MKLN1: variants seen among roughly 807,000 people sequenced by gnomAD.
MKLN1 encodes the protein muskelin.
MKLN1 carries 18 observed loss-of-function variants against 99.0 expected under a neutral mutation model. The ratio of observed to expected loss-of-function variants is 0.18; its 90% CI spans 0.13 to 0.27. The LOEUF (loss-of-function observed/expected upper bound fraction) is 0.27. Among genes scored for constraint, MKLN1 ranks in the 10% least tolerant of loss-of-function variants. The pLI, the probability that MKLN1 is intolerant of heterozygous loss-of-function variation, is 1.00. For synonymous variants in MKLN1, 288 were observed against 293.2 expected (o/e 0.98, Z 0.18); for missense variants, 621 against 875.9 (o/e 0.71, Z 3.67).
chr7:131,332,095 AATTT>A (rs1799093739), intron 1 of MKLN1, among the ~76,000 whole-genome samples: 1 of 152,024 alleles, frequency 6.6e-6, no homozygotes, highest in African/African-American at 2.4e-5. Context: ...ATAGAAGGTG[AATTT>A]ATTTCAACTC....
At chr7:131,283,386 T>TC (rs1798086863) in intron 3 of MKLN1, among the ~76,000 whole-genome samples, 1 of 111,088 alleles carries the variant, frequency 9.0e-6, no homozygotes, top group Non-Finnish European at 1.8e-5. Context: ...CCTTCCTTCC[T>TC]TCCTTCCTTC....
chr7:131,202,242 C>T (rs142156221), intron 2 of MKLN1, among the ~76,000 whole-genome samples: 307 of 146,482 alleles, frequency 2.1e-3, no homozygotes, highest in African/African-American at 7.5e-3. Context: ...TCACTGCAAC[C>T]TCTGCCTCCC....
At position 131,124,042 on chromosome 7, in the gene MKLN1, C is replaced by G. The variant is rs1376328516; in HGVS notation, c.-419+13835C>G. ...CTCTTTTGCATCCCAGCTGCATGAC[C>G]TTGGGGTGATTACATACACCATATA... is the stretch of plus-strand genomic sequence containing the variant. On this transcript the variant is annotated intron_variant, in intron 1 of 7. Coordinates refer to the MKLN1 transcript ENST00000416992. Among the ~76,000 whole-genome samples the G allele has an allele frequency of 3.9e-5, 6 of 152,148 alleles. No individual in the cohort carries two copies. In the East Asian group the frequency reaches 1.2e-3, roughly 29 times the overall value.
intron 6 of MKLN1, among the ~76,000 whole-genome samples, chr7:131,410,630 C>T (rs1223107572): frequency 6.6e-6 from 1 of 151,950 alleles, no homozygotes; most frequent in African/African-American, 2.4e-5. Context: ...AGTACTGGCA[C>T]AAAGCACTGT....
At chr7:131,197,854 T>A (rs1283024759) in intron 2 of MKLN1, among the ~76,000 whole-genome samples, 3 of 151,898 alleles carry the variant, frequency 2.0e-5, no homozygotes, top group Non-Finnish European at 4.4e-5. Flanking sequence ...GTTTTTTTTT[T>A]AAGACAATGT....
chr7:131,308,072 A>G (rs1584904246), intron 3 of MKLN1, among the ~76,000 whole-genome samples: 1 of 152,124 alleles, frequency 6.6e-6, no homozygotes, highest in East Asian at 1.9e-4. Context: ...GTGAATTCTC[A>G]TGAGATCTGA....
chr7:131,275,374 T>TG (rs1220573044), intron 3 of MKLN1, among the ~76,000 whole-genome samples: 1 of 137,384 alleles, frequency 7.3e-6, no homozygotes, highest in African/African-American at 2.7e-5. Context: ...GGTTTTTTTT[T>TG]TTTTTTTTTT....
At chr7:131,482,942 A>G (rs1797167081) in intron 17 of MKLN1, among the ~76,000 whole-genome samples, 1 of 152,218 alleles carries the variant, frequency 6.6e-6, no homozygotes, top group Admixed American at 6.5e-5. Flanking sequence ...AGGCTAAACT[A>G]ACTTGCCCAG....
chr7:131,375,569 G>T, intron 2 of MKLN1, 76 bp downstream of exon 2: 1 of 839,330 alleles, frequency 1.2e-6, no homozygotes. Flanking sequence ...CTAGTTATCT[G>T]GAATCTACTA....
chr7:131,367,084 G>A (rs1443859923), intron 1 of MKLN1, among the ~76,000 whole-genome samples: 1 of 151,998 alleles, frequency 6.6e-6, no homozygotes, highest in Non-Finnish European at 1.5e-5. Flanking sequence ...ACCCATTTGT[G>A]TTTCATTATA....
At chr7:131,276,907 A>T (rs1025360633) in intron 3 of MKLN1, among the ~76,000 whole-genome samples, 1 of 152,164 alleles carries the variant, frequency 6.6e-6, no homozygotes, top group African/African-American at 2.4e-5. Context: ...ATCAGTAGGT[A>T]CAAGTCAGTC....
intron 2 of MKLN1, among the ~76,000 whole-genome samples, chr7:131,175,251 G>GATAGATA (rs1796281488): frequency 6.7e-6 from 1 of 150,160 alleles, no homozygotes; most frequent in South Asian, 2.1e-4. Context: ...TGGATGGATA[G>GATAGATA]ATAGATAGAT....
intron 3 of MKLN1, among the ~76,000 whole-genome samples, chr7:131,317,589 A>G (rs984958582): frequency 6.6e-6 from 1 of 151,722 alleles, no homozygotes; most frequent in African/African-American, 2.4e-5. Flanking sequence ...TGACAGGATC[A>G]AATTCACATA....
At chr7:131,150,761 A>G (rs1795877732) in intron 2 of MKLN1, among the ~76,000 whole-genome samples, 1 of 152,092 alleles carries the variant, frequency 6.6e-6, no homozygotes, top group Admixed American at 6.6e-5. Context: ...TTTAAAGTCT[A>G]CATTCAGAGC....
intron 3 of MKLN1, among the ~76,000 whole-genome samples, chr7:131,320,491 G>C (rs1798755165): frequency 6.6e-6 from 1 of 152,090 alleles, no homozygotes; most frequent in Non-Finnish European, 1.5e-5. Context: ...AGAAAACCTA[G>C]GCAATACCAT....
In MKLN1 at chr7:131,336,032, CTTGAGG is replaced by C. The variant is rs1415700941; in HGVS notation, c.98+8038_98+8043del. Among the ~76,000 whole-genome samples the C allele has an allele frequency of 2.0e-5, 3 of 149,346 alleles. No homozygotes were observed. The East Asian group carries it at 5.9e-4, about 29-fold the overall frequency. Reference sequence around the variant, plus strand: ...TTCTATTCATTACAGAGAGAGGTGTCTTGAGGTTAAGTGTCAAATGTGTCTTACTGT... The same window carrying C: ...TTCTATTCATTACAGAGAGAGGTGTCTTAAGTGTCAAATGTGTCTTACTGT... On this transcript the variant is annotated intron_variant, in intron 1 of 17. Transcript: ENST00000352689.
At chr7:131,379,639 T>C (rs1178326451) in intron 2 of MKLN1, among the ~76,000 whole-genome samples, 1 of 152,238 alleles carries the variant, frequency 6.6e-6, no homozygotes, top group East Asian at 1.9e-4. Context: ...TAAGACCTAC[T>C]ATTTGATAGC....
intron 1 of MKLN1, among the ~76,000 whole-genome samples, chr7:131,355,416 C>T (rs368860479): frequency 7.9e-5 from 12 of 151,606 alleles, no homozygotes; most frequent in Admixed American, 5.9e-4. Context: ...CATGGCATGT[C>T]TTTGCATTTT....
intron 1 of MKLN1, among the ~76,000 whole-genome samples, chr7:131,123,069 C>T (rs959370075): frequency 2.1e-5 from 3 of 145,770 alleles, no homozygotes; most frequent in East Asian, 2.1e-4. Flanking sequence ...CTATCAGGGC[C>T]GCTGTACAGA....
Sources: gnomAD v4.1 joint callset for allele counts (sites outside exome capture counted in the v4.1 genomes callset) on GRCh38, gnomAD v4.1.1 for gene constraint, MANE v1.5 for transcripts, NCBI Gene and HGNC (gene_info 2026-07-23, HGNC 2026-07-21) for gene names.